The following ZSCAN32 variants were observed in gnomAD, a reference collection of about 807,000 sequenced individuals.
The protein encoded by ZSCAN32 is zinc finger and SCAN domain-containing protein 32.
ZSCAN32 carries 52 observed loss-of-function variants against 47.4 expected under a neutral mutation model. The observed-to-expected ratio is 1.10, with a 90% confidence interval of 0.88 to 1.38. ZSCAN32 has a LOEUF of 1.38. Among genes scored for constraint, ZSCAN32 ranks in the 40% most tolerant of loss-of-function variants. The pLI, the probability that ZSCAN32 is intolerant of heterozygous loss-of-function variation, is 0.00. For missense variants in ZSCAN32, 959 were observed against 846.0 expected, an observed-to-expected ratio of 1.13 and a Z score of -1.66; for synonymous variants, 346 against 305.7, an observed-to-expected ratio of 1.13 and a Z score of -1.38.
rs974316990 is a variant in ZSCAN32 at position 3,383,728 on chromosome 16, C to T, written c.1235-17G>A. 3.2e-6 allele frequency: 5 copies of T among 1,560,184 alleles called. No homozygotes were observed. The highest frequency in any genetic ancestry group is 2.6e-6 in the Non-Finnish European group (3 of 1,166,030). ...ACTCAAAACCTGAAAAAAAAAAACC[C>T]CACAGAAATACAATGGACTATAGAG... On this transcript the variant is annotated splice_polypyrimidine_tract_variant and intron_variant, in intron 6 of 6. Transcript: ENST00000396852.
At chr16:3,387,612 T>C (rs2032169840) in intron 5 of ZSCAN32, among the ~76,000 whole-genome samples, 1 of 152,324 alleles carries the variant, frequency 6.6e-6, no homozygotes, top group East Asian at 1.9e-4. Flanking sequence ...ACCAGCCTCT[T>C]CTTGTCACCC....
chr16:3,394,102 CT>C (rs2150900675), intron 2 of ZSCAN32, among the ~76,000 whole-genome samples: 1 of 152,212 alleles, frequency 6.6e-6, no homozygotes, highest in East Asian at 1.9e-4. Context: ...CCCGTCTCTA[CT>C]AAAAATACAA....
chr16:3,383,416 G>C lies in ZSCAN32; in HGVS notation c.1530C>G (p.Pro510=), dbSNP rs753415338. The C allele has an allele frequency of 6.2e-7, 1 of 1,614,150 alleles. No individual in the cohort carries two copies. The highest frequency in any genetic ancestry group is 8.5e-7 in the Non-Finnish European group (1 of 1,180,022). The change falls in exon 7 of 7, where the codon CCC becomes CCG. Residue 510 remains proline (P), a synonymous_variant. Coordinates refer to ENST00000396852, the MANE Select transcript of ZSCAN32 (RefSeq NM_001284527.2). The part of the protein sequence containing the change: ...GKNCSQSVHS[P]HKPALKLEKV... ...TTTCCAGTTTGAGCGCTGGCTTGTG[G>C]GGAGAGTGCACACTCTGAGAGCAGT...
intron 3 of ZSCAN32, among the ~76,000 whole-genome samples, chr16:3,392,172 A>G (rs1357473214): frequency 1.3e-5 from 2 of 152,206 alleles, no homozygotes; most frequent in African/African-American, 2.4e-5. Context: ...CTTATATGAA[A>G]TGTCCACAAC....
Position 3,397,217 on chromosome 16 carries a change from T to A in ZSCAN32, c.341A>T (p.Asp114Val). ...NGEEAVALVE[D>V]VQRAPGQQVL... ...CTGTTGTCCAGGAGCTCTCTGTACA[T>A]CCTCAACCAGAGCCACAGCTTCCTC... The change falls in exon 2 of 7, where the codon GAT (aspartate) becomes GTT (valine). Residue 114 changes from aspartate to valine, a missense_variant. Physicochemically the swap from Asp to Val is radical, Grantham distance 152 (BLOSUM62 -3). Transcript: ENST00000396852. 17 of 1,553,298 alleles carry A rather than the reference T, an allele frequency of 1.1e-5. No individual in the cohort carries two copies. The highest frequency in any genetic ancestry group is 1.5e-5 in the Non-Finnish European group (17 of 1,148,584).
chr16:3,400,707 C>T (rs2033816886), intron 1 of ZSCAN32, among the ~76,000 whole-genome samples: 2 of 152,202 alleles, frequency 1.3e-5, no homozygotes, highest in South Asian at 4.1e-4. Context: ...GGGTCAAGGC[C>T]AGGGGGTCCC....
chr16:3,398,356 A>C (rs1413765344), intron 1 of ZSCAN32, among the ~76,000 whole-genome samples: 2 of 151,972 alleles, frequency 1.3e-5, no homozygotes, highest in Non-Finnish European at 2.9e-5. Context: ...CGTTTTCCAC[A>C]GCCCTATGAA....
intron 3 of ZSCAN32, among the ~76,000 whole-genome samples, chr16:3,393,009 A>G (rs2032901028): frequency 6.7e-6 from 1 of 148,912 alleles, no homozygotes. Context: ...GAAGGTAACC[A>G]TGTTCACCTT....
chr16:3,397,535 G>A lies in ZSCAN32; in HGVS notation c.23C>T (p.Thr8Ile). 1 of 1,545,804 alleles carries A rather than the reference G, an allele frequency of 6.5e-7. No individual in the cohort carries two copies. Among genetic ancestry groups the A allele is most frequent in the Non-Finnish European group, 8.7e-7 (1 of 1,143,732 alleles). Residue 8 changes from threonine to isoleucine, a missense_variant, in exon 2 of 7, where the codon ACC (threonine) becomes ATC (isoleucine). Thr to Ile is a moderately conservative substitution (Grantham distance 89). Coordinates refer to ENST00000396852, the MANE Select transcript of ZSCAN32 (RefSeq NM_001284527.2). MMAAVKS[T>I]EAHPSSNKDP... is the part of the protein sequence containing the mutation. Reference sequence around the variant, plus strand: ...CTTGTTTGAGGATGGGTGTGCCTCGGTACTCTTCACTGCAGCCATCATTTG... The same window carrying A: ...CTTGTTTGAGGATGGGTGTGCCTCGATACTCTTCACTGCAGCCATCATTTG...
Position 3,393,652 on chromosome 16 carries a change from C to G in ZSCAN32, c.529G>C (p.Glu177Gln). The change falls in exon 3 of 7, where the codon GAA becomes CAA. Residue 177 changes from glutamate to glutamine, a missense_variant. Physicochemically the swap from Glu to Gln is conservative, Grantham distance 29. Coordinates refer to ENST00000396852, the MANE Select transcript of ZSCAN32 (RefSeq NM_001284527.2). ...SSHQRPGEQS[E>Q]AWLAPQAPRN... ...GAGGACAGAGGCTTCTGCTTACCTT[C>G]TGACTGTTCCCCTGGTCTTTGGTGT... The G allele has an allele frequency of 6.5e-7, 1 of 1,546,412 alleles. No individual in the cohort carries two copies. Among genetic ancestry groups the G allele is most frequent in the Non-Finnish European group, 8.7e-7 (1 of 1,144,922 alleles).
chr16:3,399,124 GA>G lies in ZSCAN32; in HGVS notation c.-187-1381del, dbSNP rs2033648988. 2.0e-5 allele frequency among the ~76,000 whole-genome samples: 3 copies of G among 152,196 alleles called. No individual in the cohort carries two copies. The South Asian group carries it at 6.2e-4, about 31-fold the overall frequency. Reference sequence around the variant, plus strand: ...TGTAGTCGCAGCTACTCGGGAGGCTGAGGCAGGAGAATCGCTTGAACCCGGG... The same window carrying G: ...TGTAGTCGCAGCTACTCGGGAGGCTGGGCAGGAGAATCGCTTGAACCCGGG... On this transcript the variant is annotated intron_variant, in intron 1 of 6. Coordinates refer to ENST00000396852, the MANE Select transcript of ZSCAN32 (RefSeq NM_001284527.2).
chr16:3,397,090 C>G (rs1012638783), intron 2 of ZSCAN32, 102 bp downstream of exon 2: 1 of 1,397,902 alleles, frequency 7.2e-7, no homozygotes, highest in African/African-American at 1.5e-5. Context: ...CTGTGGGCAG[C>G]AGAGGGCTAC....
Position 3,383,126 on chromosome 16 carries a change from C to G in ZSCAN32, c.1820G>C (p.Cys607Ser). 6.2e-7 allele frequency: 1 copy of G among 1,614,184 alleles called. No individual in the cohort carries two copies. The highest frequency in any genetic ancestry group is 8.5e-7 in the Non-Finnish European group (1 of 1,180,040). ...GTTGAATCTCTTTCCACAGACAATGCACTGGTAAGGCTTTTCCCCGGTATG... is the reference window on the plus strand; with the variant it reads ...GTTGAATCTCTTTCCACAGACAATGGACTGGTAAGGCTTTTCCCCGGTATG... Reference protein sequence around the residue: ...RTHTGEKPYQCIVCGKRFNNS... With the variant: ...RTHTGEKPYQSIVCGKRFNNS... The change falls in exon 7 of 7, where the codon TGC (cysteine) becomes TCC (serine). Residue 607 changes from cysteine (C) to serine (S), a missense_variant. Transcript: ENST00000396852.
At position 3,393,190 on chromosome 16, in the gene ZSCAN32, T is replaced by A. The variant is rs377130909; in HGVS notation, c.532+459A>T. Among the ~76,000 whole-genome samples the A allele has an allele frequency of 5.9e-3, 173 of 29,518 alleles. 3 individuals carry two copies. Among genetic ancestry groups the A allele is most frequent in the Non-Finnish European group, 7.1e-3 (128 of 18,100 alleles). The allele number at this position is 29,518 out of a possible 152,430, so 19.4% of individuals were successfully genotyped here. A position where few individuals can be genotyped will look rare whatever the true frequency, so the allele number is the denominator to read the frequency against. ...TATTTCTATATATATATTTCTATAT[T>A]TATATATATATTTATATTTATATAT... On this transcript the variant is annotated intron_variant, in intron 3 of 6. Coordinates refer to ENST00000396852, the MANE Select transcript of ZSCAN32 (RefSeq NM_001284527.2).
chr16:3,390,458 C>G lies in ZSCAN32; in HGVS notation c.592G>C (p.Glu198Gln), dbSNP rs1256285854. The stretch of plus-strand genomic sequence containing the variant: ...GCTGTCCAGACCACAGCACCTGTCT[C>G]CTGGTCGTGGAGACCTGTGTTTTGA... ...LPQNTGLHDQ[E>Q]TGAVVWTAGS... The change falls in exon 4 of 7, where the codon GAG (glutamate) becomes CAG (glutamine). Residue 198 changes from glutamate (E) to glutamine (Q), a missense_variant. Coordinates refer to ENST00000396852, the MANE Select transcript of ZSCAN32 (RefSeq NM_001284527.2). 4 of 1,549,988 alleles carry G rather than the reference C, an allele frequency of 2.6e-6. No homozygotes were observed. The highest frequency in any genetic ancestry group is 3.5e-6 in the Non-Finnish European group (4 of 1,146,986).
rs149063397 is a variant in ZSCAN32, at chr16:3,383,002, G to C, written c.1944C>G (p.Phe648Leu). ...CAGTGTGGGTTTTTCGGTGGGCACT[G>C]AAGTGGGAGCTATTGTTGAAGATTT... is the stretch of plus-strand genomic sequence containing the variant. ...CGKIFNNSSH[F>L]SAHRKTHTGE... Residue 648 changes from phenylalanine (F) to leucine (L), a missense_variant, in exon 7 of 7, where the codon TTC becomes TTG. By Grantham distance (22) the Phe-to-Leu change is conservative. Transcript: ENST00000396852. The C allele has an allele frequency of 6.2e-7, 1 of 1,614,194 alleles. No homozygotes were observed. The highest frequency in any genetic ancestry group is 1.1e-5 in the South Asian group (1 of 91,082).
chr16:3,393,748 C>G lies in ZSCAN32; in HGVS notation c.433G>C (p.Glu145Gln). 6.4e-7 allele frequency: 1 copy of G among 1,550,414 alleles called. No homozygotes were observed. The highest frequency in any genetic ancestry group is 1.2e-5 in the South Asian group (1 of 84,050). Residue 145 changes from glutamate to glutamine, a missense_variant, in exon 3 of 7, where the codon GAA becomes CAA. Coordinates refer to ENST00000396852, the MANE Select transcript of ZSCAN32 (RefSeq NM_001284527.2). ...KEMAPLGATR[E>Q]SLRSQWKQEV... ...TGTTTCCATTGGGATCTCAGTGATT[C>G]TCTGGTTGCTCCCAAAGGGGCCATC...
At position 3,383,313 on chromosome 16, in the gene ZSCAN32, C is replaced by G. The variant is rs773570405; in HGVS notation, c.1633G>C (p.Gly545Arg). The change falls in exon 7 of 7, where the codon GGC becomes CGC. Residue 545 changes from glycine to arginine, a missense_variant. Gly to Arg is a moderately radical substitution (Grantham distance 125). Coordinates refer to ENST00000396852, the MANE Select transcript of ZSCAN32 (RefSeq NM_001284527.2). ...YLVRHQRIHT[G>R]EKPHKCSECG... ...TCACTGCACTTGTGAGGCTTCTCGC[C>G]TGTGTGGATTCTTTGATGCCGAACA... 6.2e-7 allele frequency: 1 copy of G among 1,614,198 alleles called. No individual in the cohort carries two copies. The highest frequency in any genetic ancestry group is 1.1e-5 in the South Asian group (1 of 91,084).
At position 3,384,615 on chromosome 16, in the gene ZSCAN32, C is replaced by G. The variant is rs778493572; in HGVS notation, c.1078G>C (p.Asp360His). ...SDAVPGQEGS[D>H]IEAGELNHQN... The stretch of plus-strand genomic sequence containing the variant: ...TGATTCAGCTCTCCAGCCTCAATAT[C>G]ACTTCCTTCTTGGCCAGGAACAGCA... The change falls in exon 6 of 7, where the codon GAT (aspartate) becomes CAT (histidine). Residue 360 changes from aspartate (D) to histidine (H), a missense_variant. Physicochemically the swap from Asp to His is moderately conservative, Grantham distance 81. Transcript: ENST00000396852. The G allele has an allele frequency of 6.2e-7, 1 of 1,614,214 alleles. No individual in the cohort carries two copies. Among genetic ancestry groups the G allele is most frequent in the Non-Finnish European group, 8.5e-7 (1 of 1,180,036 alleles).
Sources: gnomAD v4.1 joint callset for allele counts (sites outside exome capture counted in the v4.1 genomes callset) on GRCh38, gnomAD v4.1.1 for gene constraint, MANE v1.5 for transcripts, NCBI Gene and HGNC (gene_info 2026-07-23, HGNC 2026-07-21) for gene names.